Variants in FHOD3 observed in about 807,000 individuals in gnomAD.
FHOD3 encodes the protein FH1/FH2 domain-containing protein 3.
Under a neutral mutation model 173.0 loss-of-function variants are expected in FHOD3, and 90 were observed. The observed-to-expected ratio is 0.52, with a 90% CI of 0.44 to 0.62. FHOD3 has a LOEUF of 0.62. FHOD3 is among the 20% of genes least tolerant of loss of function. The pLI is 0.00. For missense variants in FHOD3, 1,945 were observed against 2,034.7 expected (o/e 0.96, Z 0.85); for synonymous variants, 828 against 823.0 (o/e 1.01, Z -0.10).
intron 14 of FHOD3, among the ~76,000 whole-genome samples, chr18:36,658,690 A>C (rs768683148): frequency 1.3e-5 from 2 of 152,228 alleles, no homozygotes; most frequent in Non-Finnish European, 2.9e-5. Flanking sequence ...CCAGAAATTA[A>C]CTGATTATGA....
At chr18:36,389,566 A>G (rs1598934990) in intron 3 of FHOD3, among the ~76,000 whole-genome samples, 5 of 152,076 alleles carry the variant, frequency 3.3e-5, no homozygotes, top group Admixed American at 3.3e-4. Context: ...TTCTCAGTGG[A>G]CGTACATAAT....
intron 5 of FHOD3, among the ~76,000 whole-genome samples, chr18:36,522,764 TTGAG>T (rs1248475270): frequency 1.3e-5 from 2 of 151,762 alleles, no homozygotes; most frequent in Admixed American, 1.3e-4. Context: ...GTTGATCTTG[TTGAG>T]TGTTTTATGG....
chr18:36,385,597 A>G (rs550895005), intron 3 of FHOD3, among the ~76,000 whole-genome samples: 14 of 152,164 alleles, frequency 9.2e-5, no homozygotes, highest in Non-Finnish European at 1.9e-4. Context: ...GGGTTTCACC[A>G]TATTGACCAG....
At chr18:36,458,963 G>A (rs1412540592) in intron 3 of FHOD3, among the ~76,000 whole-genome samples, 1 of 152,134 alleles carries the variant, frequency 6.6e-6, no homozygotes, top group African/African-American at 2.4e-5. Flanking sequence ...CTTTTGCCAT[G>A]ACCCCTGCTT....
At chr18:36,364,305 AGGATTCCATCTCTG>A (rs1218980593) in intron 2 of FHOD3, among the ~76,000 whole-genome samples, 1 of 152,210 alleles carries the variant, frequency 6.6e-6, no homozygotes, top group Non-Finnish European at 1.5e-5. Context: ...CCTGACCGCA[AGGATTCCATCTCTG>A]GGTCTAGGTG....
intron 3 of FHOD3, among the ~76,000 whole-genome samples, chr18:36,423,119 C>G (rs1475911201): frequency 6.6e-6 from 1 of 151,996 alleles, no homozygotes; most frequent in African/African-American, 2.4e-5. Flanking sequence ...GATTCACACC[C>G]CCCCCAAACT....
intron 10 of FHOD3, among the ~76,000 whole-genome samples, chr18:36,633,501 C>T (rs970939624): frequency 2.6e-5 from 4 of 152,150 alleles, no homozygotes; most frequent in African/African-American, 9.7e-5. Flanking sequence ...TTGGACTAAA[C>T]AATTTTACAT....
chr18:36,449,649 A>G (rs2051707049), intron 3 of FHOD3, among the ~76,000 whole-genome samples: 1 of 152,180 alleles, frequency 6.6e-6, no homozygotes, highest in South Asian at 2.1e-4. Flanking sequence ...GCCTAAAACA[A>G]CTTTTAGTGT....
At position 36,718,024 on chromosome 18, in the gene FHOD3, T is replaced by C; in HGVS notation, c.2726T>C (p.Ile909Thr). ...GCGGTAGCCAGCCTTGCTACCAGGA[T>C]ATCCACCCTGCAGGCCAACTCTCAG... ...AEAVASLATR[I>T]STLQANSQTQ... Residue 909 changes from isoleucine (I) to threonine (T), a missense_variant, in exon 19 of 29, where the codon ATA becomes ACA. By Grantham distance (89) the Ile-to-Thr change is moderately conservative (BLOSUM62 -1). Around this residue, in one of 5 missense-constraint regions of FHOD3, gnomAD observed 1,099 missense variants for 1,051.2 expected, o/e 1.05. Transcript: ENST00000590592. 2 of 1,607,528 alleles carry C rather than the reference T, an allele frequency of 1.2e-6. No individual in the cohort carries two copies. Among genetic ancestry groups the C allele is most frequent in the Non-Finnish European group, 1.7e-6 (2 of 1,176,690 alleles).
At chr18:36,605,643 C>CA (rs369533272) in intron 8 of FHOD3, among the ~76,000 whole-genome samples, 36,607 of 148,218 alleles carry the variant, frequency 0.25, 4,556 homozygotes, top group Middle Eastern at 0.3. Context: ...TTTTCACACA[C>CA]AAAAAAAAAA....
intron 5 of FHOD3, among the ~76,000 whole-genome samples, chr18:36,566,767 A>G (rs2058279331): frequency 6.6e-6 from 1 of 152,156 alleles, no homozygotes; most frequent in Admixed American, 6.5e-5. Context: ...TCTCAGAGGA[A>G]CAATTAAGGG....
chr18:36,436,934 G>A (rs576702439), intron 3 of FHOD3, among the ~76,000 whole-genome samples: 1 of 152,302 alleles, frequency 6.6e-6, no homozygotes, highest in Admixed American at 6.5e-5. Context: ...CCTTAGGAGT[G>A]TTGCTAAAAT....
At chr18:36,389,050 G>A (rs2048168885) in intron 3 of FHOD3, among the ~76,000 whole-genome samples, 5 of 152,118 alleles carry the variant, frequency 3.3e-5, no homozygotes, top group South Asian at 2.1e-4. Flanking sequence ...TGTTTGCAAC[G>A]TTCCTGCACG....
In FHOD3 at chr18:36,612,124, C is replaced by G. The variant is rs73948089; in HGVS notation, c.957+29C>G. ...CCAGACCATGCCTTTTGTAAGGTAT[C>G]GTACAGCTTTGGCAATTGTCAAAGG... On this transcript the variant is annotated intron_variant, in intron 9 of 28. Transcript: ENST00000590592. 1,628 of 1,604,746 alleles carry G rather than the reference C, an allele frequency of 1.0e-3. 14 individuals are homozygous for G. The African/African-American group carries it at 0.019, about 18-fold the overall frequency.
At chr18:36,667,567 C>G (rs190076104) in intron 14 of FHOD3, among the ~76,000 whole-genome samples, 32 of 152,196 alleles carry the variant, frequency 2.1e-4, no homozygotes, top group African/African-American at 7.0e-4. Flanking sequence ...ATACTGTAGG[C>G]AGTTGTAACA....
At chr18:36,699,389 T>C (rs2039456676) in intron 17 of FHOD3, among the ~76,000 whole-genome samples, 1 of 152,226 alleles carries the variant, frequency 6.6e-6, no homozygotes, top group African/African-American at 2.4e-5. Flanking sequence ...TCACAGAGAA[T>C]CTGGCTTGTT....
rs140844099 is a variant in FHOD3 at position 36,560,632 on chromosome 18, A to G, written c.512-15819A>G. The stretch of plus-strand genomic sequence containing the variant: ...TGCCTGGTGCTTAACAAATGCTGCA[A>G]CTGTTTGCATGAGTGGGTGTGTATG... On this transcript the variant is annotated intron_variant, in intron 5 of 28. Coordinates refer to ENST00000590592, the MANE Select transcript of FHOD3 (RefSeq NM_001281740.3). Among the ~76,000 whole-genome samples, 19 of 152,258 alleles carry G rather than the reference A, an allele frequency of 1.2e-4. No individual in the cohort carries two copies. In the East Asian group the frequency reaches 3.7e-3, roughly 29 times the overall value.
At chr18:36,779,167 C>CTTTCTCTCCTCT (rs1421097476) in intron 28 of FHOD3, 1 of 464,520 alleles carries the variant, frequency 2.2e-6, no homozygotes, top group Admixed American at 3.5e-5. Context: ...GCCTCTCCTC[C>CTTTCTCTCCTCT]TTTCTCTCCT....
At chr18:36,512,074 C>A (rs1013244404) in intron 4 of FHOD3, among the ~76,000 whole-genome samples, 4 of 152,228 alleles carry the variant, frequency 2.6e-5, no homozygotes, top group Admixed American at 6.5e-5. Context: ...ATGTTTCCTG[C>A]AGTAGAAAAC....
Sources: allele counts gnomAD v4.1 joint callset (sites outside exome capture counted in the v4.1 genomes callset), GRCh38; gene constraint gnomAD v4.1.1; regional missense constraint gnomAD v4.1.1; transcripts MANE v1.5; gene names NCBI Gene and HGNC (gene_info 2026-07-23, HGNC 2026-07-21).